TPO: variants seen among roughly 807,000 people sequenced by gnomAD.
TPO encodes thyroid microsomal antigen.
A neutral mutation model predicts 96.9 loss-of-function variants in TPO; 78 were observed. The ratio of observed to expected loss-of-function variants is 0.81; its 90% CI spans 0.67 to 0.97. The LOEUF (loss-of-function observed/expected upper bound fraction) is 0.97, where lower values mean the gene tolerates loss of function less well. TPO is among the 50% of genes least tolerant of loss of function. TPO has a pLI of 0.00. For synonymous variants in TPO, 547 were observed against 538.0 expected (o/e 1.02, Z -0.23); for missense variants, 1,252 against 1,274.8 (o/e 0.98, Z 0.27).
chr2:1,503,896 G>C (rs998376605), intron 13 of TPO, 52 bp from the exon 14 acceptor site: 1 of 1,613,970 alleles, frequency 6.2e-7, no homozygotes, highest in African/African-American at 1.3e-5. Context: ...GCTCGCGGGA[G>C]ATGGGGGTGC....
chr2:1,453,911 C>A, intron 6 of TPO, 88 bp downstream of exon 6: 2 of 1,582,544 alleles, frequency 1.3e-6, no homozygotes, highest in South Asian at 2.3e-5. Flanking sequence ...GGTTCTTGCT[C>A]GTGCTGGGTG....
chr2:1,392,168 G>A (rs1662011263), intron 1 of TPO, among the ~76,000 whole-genome samples: 1 of 152,142 alleles, frequency 6.6e-6, no homozygotes, highest in South Asian at 2.1e-4. Flanking sequence ...ATTATTTTGA[G>A]ATACATTCCA....
chr2:1,501,305 G>A (rs3772074), intron 13 of TPO, among the ~76,000 whole-genome samples: 53,368 of 151,322 alleles, frequency 0.35, 9,400 homozygotes, highest in South Asian at 0.45. Flanking sequence ...CGAAGCAGTC[G>A]GAGAGCAGAG....
At chr2:1,441,656 G>C (rs1016443601) in intron 5 of TPO, among the ~76,000 whole-genome samples, 15 of 152,160 alleles carry the variant, frequency 9.9e-5, no homozygotes, top group African/African-American at 3.6e-4. Context: ...TTCCTCACCT[G>C]TGTGTTTTTA....
chr2:1,413,401 A>G (rs1662560008), upstream of TPO: 1 of 152,150 alleles, frequency 6.6e-6, no homozygotes, highest in African/African-American at 2.4e-5. Flanking sequence ...TCGACTTCCT[A>G]GCATCTTGAC....
chr2:1,490,744 C>T (rs1213163446), intron 10 of TPO, among the ~76,000 whole-genome samples: 3 of 152,188 alleles, frequency 2.0e-5, no homozygotes, highest in South Asian at 4.1e-4. Flanking sequence ...CTGATCAGTT[C>T]GATCTGAGGA....
Position 1,397,415 on chromosome 2 carries a change from G to A in TPO, n.180+23013G>A, listed in dbSNP as rs537182897. 1.7e-3 allele frequency among the ~76,000 whole-genome samples: 261 copies of A among 152,260 alleles called. 1 individual carries two copies. The highest frequency in any genetic ancestry group is 1.5e-3 in the African/African-American group (61 of 41,532). On this transcript the variant is annotated intron_variant and non_coding_transcript_variant, in intron 1 of 5. Coordinates refer to the TPO transcript ENST00000497517. ...AGTGCCCTGAGTGCCTGCAGATGCC[G>A]TGGCCCAGGAGGAAGATACACCATT...
At chr2:1,523,381 T>G (rs1209267720) in intron 15 of TPO, among the ~76,000 whole-genome samples, 4 of 109,770 alleles carry the variant, frequency 3.6e-5, no homozygotes, top group Non-Finnish European at 7.2e-5. Context: ...CCTCCCCAAA[T>G]ACCTCCCATT....
chr2:1,413,709 C>T (rs1173036915), intron 1 of TPO, 164 bp downstream of exon 1: 1 of 985,212 alleles, frequency 1.0e-6, no homozygotes, highest in Non-Finnish European at 1.2e-6. Flanking sequence ...TTTGCAATGA[C>T]CTCCGCTGGA....
chr2:1,390,162 C>T (rs1002222051), intron 1 of TPO, among the ~76,000 whole-genome samples: 3 of 151,562 alleles, frequency 2.0e-5, no homozygotes, highest in African/African-American at 4.9e-5. Flanking sequence ...AATGCTATCC[C>T]CCCCCAGCTC....
At chr2:1,542,388 G>C (rs1467590826) in intron 16 of TPO, 33 bp from the exon 17 acceptor site, 1 of 1,613,670 alleles carries the variant, frequency 6.2e-7, no homozygotes, top group Admixed American at 1.7e-5. Flanking sequence ...TCAGAATTCA[G>C]ACGTTATTAA....
At chr2:1,415,776 G>T (rs1483665802) in intron 2 of TPO, among the ~76,000 whole-genome samples, 1 of 152,186 alleles carries the variant, frequency 6.6e-6, no homozygotes, top group East Asian at 1.9e-4. Flanking sequence ...GTCGTTCAGG[G>T]TCACAGAATC....
intron 11 of TPO, 119 bp from the exon 12 acceptor site, chr2:1,495,870 G>A (rs1276927375): frequency 5.4e-5 from 63 of 1,171,008 alleles, no homozygotes; most frequent in Non-Finnish European, 7.7e-5. Flanking sequence ...GGTGCTGGGG[G>A]TCTGGGCAGA....
rs758390091 is a variant in TPO at position 1,493,959 on chromosome 2, C to A, written c.1926C>A (p.Asn642Lys). Residue 642 changes from asparagine to lysine, a missense_variant, in exon 11 of 17, where the codon AAC (asparagine) becomes AAA (lysine). By Grantham distance (94) the Asn-to-Lys change is moderately conservative. Transcript: ENST00000329066. The part of the protein sequence containing the change: ...IDVWLGGLAE[N>K]FLPRARTGPL... ...TCTGGCTGGGAGGCTTAGCTGAAAA[C>A]TTCCTCCCCAGGGCTCGGACAGGGC... 9.3e-6 allele frequency: 15 copies of A among 1,614,066 alleles called. No individual in the cohort carries two copies. Among genetic ancestry groups the A allele is most frequent in the Non-Finnish European group, 1.3e-5 (15 of 1,180,044 alleles).
intron 3 of TPO, among the ~76,000 whole-genome samples, chr2:1,433,168 CT>C (rs1310052562): frequency 5.3e-5 from 8 of 152,156 alleles, no homozygotes; most frequent in Non-Finnish European, 1.0e-4. Flanking sequence ...CCAATTCATT[CT>C]GATTTGGCAG....
intron 13 of TPO, among the ~76,000 whole-genome samples, chr2:1,499,804 C>T (rs1374751089): frequency 6.6e-6 from 1 of 152,244 alleles, no homozygotes; most frequent in Non-Finnish European, 1.5e-5. Flanking sequence ...GTTCTCCTGC[C>T]ACAGACATTT....
rs764567678 is a variant in TPO, at chr2:1,456,044, T to A, written c.613-32T>A. 6.8e-6 allele frequency: 11 copies of A among 1,606,922 alleles called. 1 individual carries two copies. The South Asian group carries it at 1.1e-4, about 16-fold the overall frequency. ...TCTTTCTGCTACCACAGGGTCCTCC[T>A]ATGTCCTGACCAATGGTCTCTTCCT... On this transcript the variant is annotated intron_variant, in intron 6 of 16. Coordinates refer to ENST00000329066, the MANE Select transcript of TPO (RefSeq NM_001206744.2).
At position 1,451,981 on chromosome 2, in the gene TPO, T is replaced by C. The variant is rs28909400; in HGVS notation, c.483-1713T>C. Among the ~76,000 whole-genome samples, 106 of 152,360 alleles carry C rather than the reference T, an allele frequency of 7.0e-4. 1 individual carries two copies. The highest frequency in any genetic ancestry group is 2.4e-3 in the African/African-American group (100 of 41,586). ...TTTCTTTACCTATCCTCTACAGATA[T>C]GTATGCTCATGTTATATATTTGATA... On this transcript the variant is annotated intron_variant, in intron 5 of 16. Coordinates refer to ENST00000329066, the MANE Select transcript of TPO (RefSeq NM_001206744.2).
chr2:1,434,120 C>A (rs955658156), intron 4 of TPO, among the ~76,000 whole-genome samples: 37 of 152,144 alleles, frequency 2.4e-4, no homozygotes, highest in African/African-American at 6.8e-4. Flanking sequence ...TATCAGAAGA[C>A]CAGTGCATAA....
Sources: gnomAD v4.1 joint callset for allele counts (sites outside exome capture counted in the v4.1 genomes callset) on GRCh38, gnomAD v4.1.1 for gene constraint, MANE v1.5 for transcripts, NCBI Gene and HGNC (gene_info 2026-07-23, HGNC 2026-07-21) for gene names.